Variants in PBX1 observed in about 807,000 individuals in gnomAD.
PBX1 encodes PBX homeobox 1.
A neutral mutation model predicts 53.4 loss-of-function variants in PBX1; 6 were observed. That is an observed-to-expected ratio of 0.11 (90% CI 0.06 to 0.22). PBX1 has a LOEUF of 0.22. Ranked by LOEUF, PBX1 falls within the 10% of genes least tolerant of loss-of-function variation. PBX1 has a pLI of 1.00. For synonymous variants in PBX1, 204 were observed against 212.3 expected (o/e 0.96, Z 0.34); for missense variants, 251 against 551.4 (o/e 0.46, Z 5.46).
chr1:164,670,151 T>C (rs2101969767), intron 2 of PBX1, among the ~76,000 whole-genome samples: 1 of 152,256 alleles, frequency 6.6e-6, no homozygotes, highest in Non-Finnish European at 1.5e-5. Flanking sequence ...GCTTCCACCA[T>C]GGAAAAGGAA....
chr1:164,627,258 T>G (rs2101869463), intron 2 of PBX1, among the ~76,000 whole-genome samples: 1 of 152,270 alleles, frequency 6.6e-6, no homozygotes, highest in Middle Eastern at 3.4e-3. Context: ...GAAGCATAAG[T>G]TACAGTCCCC....
chr1:164,858,578 T>G (rs1000346377), intron 2 of PBX1, among the ~76,000 whole-genome samples: 15 of 152,120 alleles, frequency 9.9e-5, no homozygotes, highest in Non-Finnish European at 1.5e-5. Flanking sequence ...TAATGTTTCC[T>G]TTATGGATCT....
intron 2 of PBX1, among the ~76,000 whole-genome samples, chr1:164,780,375 A>G (rs1433025308): frequency 6.6e-6 from 1 of 152,168 alleles, no homozygotes; most frequent in Non-Finnish European, 1.5e-5. Context: ...TTTACTTGAA[A>G]TCTACTTCTC....
intron 2 of PBX1, among the ~76,000 whole-genome samples, chr1:164,669,369 G>A (rs922231087): frequency 2.6e-5 from 4 of 152,116 alleles, no homozygotes; most frequent in Non-Finnish European, 5.9e-5. Context: ...GGGAGAAACC[G>A]CTGCACTGGG....
intron 2 of PBX1, among the ~76,000 whole-genome samples, chr1:164,860,734 T>G (rs1672077189): frequency 6.6e-6 from 1 of 152,224 alleles, no homozygotes; most frequent in Non-Finnish European, 1.5e-5. Context: ...TCTTTGGTCC[T>G]GCCTTGAATT....
chr1:164,756,921 G>T (rs1351030260), intron 2 of PBX1, among the ~76,000 whole-genome samples: 3 of 152,222 alleles, frequency 2.0e-5, no homozygotes, highest in African/African-American at 7.2e-5. Context: ...ATGTATTTAT[G>T]AAGCAACTCA....
intron 2 of PBX1, among the ~76,000 whole-genome samples, chr1:164,613,576 G>A (rs1657080788): frequency 6.6e-6 from 1 of 152,324 alleles, no homozygotes; most frequent in African/African-American, 2.4e-5. Context: ...GGCACACAGT[G>A]TTGCGGTTAT....
chr1:164,834,129 A>C (rs1385106268), intron 8 of PBX1, among the ~76,000 whole-genome samples: 3 of 144,426 alleles, frequency 2.1e-5, no homozygotes, highest in African/African-American at 7.7e-5. Flanking sequence ...TCTTTGGGGC[A>C]GCTGTTATCT....
chr1:164,733,056 C>T (rs1665085100), intron 2 of PBX1, among the ~76,000 whole-genome samples: 2 of 152,300 alleles, frequency 1.3e-5, no homozygotes, highest in South Asian at 4.1e-4. Context: ...TACTTCATGA[C>T]TTCTCAGAAG....
chr1:164,781,453 A>G (rs755539649), intron 2 of PBX1, among the ~76,000 whole-genome samples: 4 of 152,162 alleles, frequency 2.6e-5, no homozygotes, highest in African/African-American at 4.8e-5. Flanking sequence ...CAATATATGC[A>G]GAAAGGCAAA....
Position 164,846,434 on chromosome 1 carries a change from C to T in PBX1, c.1201-150C>T, listed in dbSNP as rs527315548. The T allele has an allele frequency of 2.9e-4, 204 of 702,796 alleles. No homozygotes were observed. The East Asian group carries it at 5.2e-3, about 18-fold the overall frequency. 43.5% of individuals were successfully genotyped at this position (702,796 alleles called of 1,614,324 possible). ...TATTTGAGGGTGGGGGCAATATTAT[C>T]ACCCACAGTAATAGTTGCCCATTTG... On this transcript the variant is annotated intron_variant, in intron 8 of 8. Coordinates refer to ENST00000420696, the MANE Select transcript of PBX1 (RefSeq NM_002585.4).
intron 2 of PBX1, among the ~76,000 whole-genome samples, chr1:164,570,939 G>T (rs1172391237): frequency 2.0e-5 from 3 of 152,066 alleles, no homozygotes; most frequent in African/African-American, 7.2e-5. Flanking sequence ...GTTTTGATTT[G>T]CATTTCTCTA....
chr1:164,650,220 T>G lies in PBX1; in HGVS notation c.265+86909T>G, dbSNP rs890275835. On this transcript the variant is annotated intron_variant, in intron 2 of 8. Coordinates refer to ENST00000420696, the MANE Select transcript of PBX1 (RefSeq NM_002585.4). ...GCATCTGGTGTAAAGAGAGACTTTT[T>G]CTTTGCTACTTTTTTTTTTTTTTTT... 2.9e-5 allele frequency among the ~76,000 whole-genome samples: 4 copies of G among 138,094 alleles called. No homozygotes were observed. The South Asian group carries it at 8.4e-4, about 29-fold the overall frequency. The allele number at this position is 138,094 out of a possible 152,430, so 90.6% of individuals were successfully genotyped here.
Position 164,832,681 on chromosome 1 carries a change from A to G in PBX1, c.1200+11055A>G, listed in dbSNP as rs190313515. 1.4e-3 allele frequency among the ~76,000 whole-genome samples: 217 copies of G among 152,260 alleles called. 1 individual carries two copies. The highest frequency in any genetic ancestry group is 4.9e-3 in the African/African-American group (202 of 41,582). On this transcript the variant is annotated intron_variant, in intron 8 of 8. Transcript: ENST00000420696. ...AAAATATAATTTAAAAAATTAGAAT[A>G]GCAAGGAACTAAGAAAAAGAAAAGT...
intron 2 of PBX1, among the ~76,000 whole-genome samples, chr1:164,759,246 C>T (rs1666684210): frequency 6.6e-6 from 1 of 152,140 alleles, no homozygotes; most frequent in African/African-American, 2.4e-5. Flanking sequence ...GTGAAGAAAC[C>T]AATATACAGG....
intron 2 of PBX1, among the ~76,000 whole-genome samples, chr1:164,786,718 T>TGTGCGCGC (rs1668205730): frequency 8.0e-5 from 8 of 100,052 alleles, no homozygotes; most frequent in African/African-American, 3.0e-4. Context: ...TGTGTGTGTG[T>TGTGCGCGC]GTGCGCGCGC....
chr1:164,811,006 C>T (rs960197764), intron 5 of PBX1, among the ~76,000 whole-genome samples: 11 of 152,212 alleles, frequency 7.2e-5, no homozygotes, highest in African/African-American at 2.2e-4. Flanking sequence ...TATCTGCCGT[C>T]GTTGGGAGTT....
At chr1:164,708,076 C>T (rs1487256652) in intron 2 of PBX1, among the ~76,000 whole-genome samples, 1 of 152,182 alleles carries the variant, frequency 6.6e-6, no homozygotes, top group East Asian at 1.9e-4. Context: ...GCCATGCTGT[C>T]TCGTAGCCAA....
At chr1:164,653,273 T>G in intron 2 of PBX1, among the ~76,000 whole-genome samples, 1 of 152,218 alleles carries the variant, frequency 6.6e-6, no homozygotes, top group East Asian at 1.9e-4. Context: ...CTTGCATCAG[T>G]ACTTCACCCC....
Sources: gnomAD v4.1 joint callset for allele counts (sites outside exome capture counted in the v4.1 genomes callset) on GRCh38, gnomAD v4.1.1 for gene constraint, MANE v1.5 for transcripts, NCBI Gene and HGNC (gene_info 2026-07-23, HGNC 2026-07-21) for gene names.